Variants in ZSCAN29 observed in about 807,000 individuals in gnomAD.
ZSCAN29 encodes zinc finger and SCAN domain containing 29.
In ZSCAN29, 55 loss-of-function variants were observed where a neutral mutation model predicts 71.9. That is an observed-to-expected ratio of 0.76 (90% CI 0.62 to 0.96). ZSCAN29 has a LOEUF of 0.96. Among genes scored for constraint, ZSCAN29 ranks in the 40% least tolerant of loss-of-function variants. ZSCAN29 has a pLI of 0.00. For missense variants in ZSCAN29, 1,042 were observed against 1,042.2 expected, an observed-to-expected ratio of 1.00 and a Z score of 0.00; for synonymous variants, 351 against 371.6, an observed-to-expected ratio of 0.94 and a Z score of 0.64.
chr15:43,360,863 A>G lies in ZSCAN29; in HGVS notation c.*210T>C. ...TTATCCATCAATTCAGATGCAGGCA[A>G]AGAGAGGGACTGAAATCTTCCTTTC... On this transcript the variant is annotated 3_prime_UTR_variant, in exon 6 of 6. Transcript: ENST00000684362. The G allele has an allele frequency of 1.6e-6, 1 of 609,990 alleles. No individual in the cohort carries two copies. 37.8% of individuals were successfully genotyped at this position (609,990 alleles called of 1,614,324 possible). A position where few individuals can be genotyped will look rare whatever the true frequency, so the allele number is the denominator to read the frequency against.
intron 4 of ZSCAN29, among the ~76,000 whole-genome samples, chr15:43,364,790 A>C (rs574055177): frequency 2.4e-4 from 35 of 145,434 alleles, no homozygotes; most frequent in Admixed American, 2.1e-3. Flanking sequence ...TGGGAGGCTG[A>C]GGCATGAGAA....
intron 5 of ZSCAN29, 46 bp downstream of exon 5, chr15:43,363,869 T>C: frequency 2.0e-6 from 3 of 1,516,008 alleles, no homozygotes; most frequent in Non-Finnish European, 2.7e-6. Flanking sequence ...CTAAGTCCCA[T>C]TGTCTTCCCT....
intron 5 of ZSCAN29, 118 bp downstream of exon 5, chr15:43,363,797 T>C: frequency 1.0e-6 from 1 of 964,082 alleles, no homozygotes; most frequent in Non-Finnish European, 1.5e-6. Context: ...ATATGGGTGG[T>C]CACAAGAAGA....
At chr15:43,363,410 T>G (rs1392220576) in intron 5 of ZSCAN29, among the ~76,000 whole-genome samples, 1 of 152,204 alleles carries the variant, frequency 6.6e-6, no homozygotes, top group African/African-American at 2.4e-5. Context: ...TTTTTTCTTA[T>G]CTAGCAGCTA....
chr15:43,369,850 T>C lies in ZSCAN29; in HGVS notation c.64A>G (p.Arg22Gly), dbSNP rs1415484435. 5 of 1,613,630 alleles carry C rather than the reference T, an allele frequency of 3.1e-6. No individual in the cohort carries two copies. ...GCCACCTCCTGGTAATGGAATCTCCTGAAACGCTGTCGGAAGGTCTCAGAG... is the reference window on the plus strand; with the variant it reads ...GCCACCTCCTGGTAATGGAATCTCCCGAAACGCTGTCGGAAGGTCTCAGAG... ...TNSETFRQRFRRFHYQEVAGP... is the reference protein window; with the variant it reads ...TNSETFRQRFGRFHYQEVAGP... Residue 22 changes from arginine to glycine, a missense_variant, in exon 2 of 6, where the codon AGG (arginine) becomes GGG (glycine). Transcript: ENST00000684362.
intron 3 of ZSCAN29, among the ~76,000 whole-genome samples, chr15:43,368,585 A>G (rs2044062597): frequency 6.6e-6 from 1 of 150,814 alleles, no homozygotes; most frequent in South Asian, 2.1e-4. Context: ...GGAAAGCTTA[A>G]GGTAACAAAT....
chr15:43,364,892 C>CAAAAAAAA (rs57976198), intron 4 of ZSCAN29, among the ~76,000 whole-genome samples: 1 of 38,938 alleles, frequency 2.6e-5, no homozygotes, highest in African/African-American at 8.7e-5. Flanking sequence ...GACTCTGTCT[C>CAAAAAAAA]AAAAAAAAAA....
At chr15:43,370,150 A>G (rs1243939197) in intron 1 of ZSCAN29, 125 bp from the exon 2 acceptor site, 1 of 496,220 alleles carries the variant, frequency 2.0e-6, no homozygotes, top group South Asian at 3.2e-5. Context: ...TTCAGTAAAT[A>G]GACTTTGCAA....
rs770959404 is a variant in ZSCAN29, at chr15:43,366,195, C to A, written c.1137G>T (p.Gln379His). Residue 379 changes from glutamine (Q) to histidine (H), a missense_variant, in exon 4 of 6, where the codon CAG becomes CAT. Physicochemically the swap from Gln to His is conservative, Grantham distance 24. Transcript: ENST00000684362. ...GATCCATGTCATCACTGTCAGACTC[C>A]TGAGCCACAGCCTCTTCTGCTCCCT... ...HEEGAEEAVA[Q>H]ESDSDDMDLE... 2 of 1,614,004 alleles carry A rather than the reference C, an allele frequency of 1.2e-6. No homozygotes were observed. Among genetic ancestry groups the A allele is most frequent in the Non-Finnish European group, 1.7e-6 (2 of 1,180,028 alleles).
In ZSCAN29 at chr15:43,369,130, A is replaced by G. The variant is rs2044069334; in HGVS notation, c.319-3T>C. 1 of 1,549,260 alleles carries G rather than the reference A, an allele frequency of 6.5e-7. No individual in the cohort carries two copies. The highest frequency in any genetic ancestry group is 1.9e-5 in the Admixed American group (1 of 51,884). ...TGCCCCTTCACAGAGACTGTGACCTAGAAACAACCCCCGTTAATTGTCACT... is the reference window on the plus strand; with the variant it reads ...TGCCCCTTCACAGAGACTGTGACCTGGAAACAACCCCCGTTAATTGTCACT... On this transcript the variant is annotated splice_region_variant and splice_polypyrimidine_tract_variant and intron_variant, in intron 2 of 5. Coordinates refer to ENST00000684362, the MANE Select transcript of ZSCAN29 (RefSeq NM_001372080.1).
rs2043971876 is a variant in ZSCAN29, at chr15:43,360,945, A to G, written c.*128T>C. The G allele has an allele frequency of 7.8e-7, 1 of 1,275,394 alleles. No homozygotes were observed. The highest frequency in any genetic ancestry group is 1.1e-6 in the Non-Finnish European group (1 of 929,770). The allele number at this position is 1,275,394 out of a possible 1,614,324, so 79.0% of individuals were successfully genotyped here. ...AGATCAGGAAAAACAAGGAACAAAC[A>G]GTGGCATAAATCCTAAAGTGAATTT... On this transcript the variant is annotated 3_prime_UTR_variant, in exon 6 of 6. Coordinates refer to ENST00000684362, the MANE Select transcript of ZSCAN29 (RefSeq NM_001372080.1).
chr15:43,364,104 G>T lies in ZSCAN29; in HGVS notation c.1501C>A (p.Pro501Thr), dbSNP rs201009870. The change falls in exon 5 of 6, where the codon CCA becomes ACA. Residue 501 changes from proline (P) to threonine (T), a missense_variant. Pro to Thr is a conservative substitution (Grantham distance 38). Transcript: ENST00000684362. Reference sequence around the variant, plus strand: ...GTCTCTTCCTGGCCATCATTGGGTGGGGCAGCAACCCGGACACTCACCAAA... The same window carrying T: ...GTCTCTTCCTGGCCATCATTGGGTGTGGCAGCAACCCGGACACTCACCAAA... ...DALVSVRVAA[P>T]PNDGQEETAS... The T allele has an allele frequency of 6.2e-7, 1 of 1,614,114 alleles. No individual in the cohort carries two copies. Among genetic ancestry groups the T allele is most frequent in the African/African-American group, 1.3e-5 (1 of 75,002 alleles).
chr15:43,364,694 T>C (rs1178997265), intron 4 of ZSCAN29, among the ~76,000 whole-genome samples: 2 of 152,048 alleles, frequency 1.3e-5, no homozygotes, highest in Non-Finnish European at 2.9e-5. Context: ...GAGACCAGCC[T>C]GGACAACATG....
At chr15:43,365,974 A>G in intron 4 of ZSCAN29, 136 bp downstream of exon 4, 1 of 775,606 alleles carries the variant, frequency 1.3e-6, no homozygotes, top group Non-Finnish European at 2.0e-6. Context: ...AATGAAATAC[A>G]CACAAAGAAT....
intron 5 of ZSCAN29, among the ~76,000 whole-genome samples, chr15:43,363,098 C>T (rs111321344): frequency 6.4e-4 from 97 of 152,236 alleles, no homozygotes; most frequent in African/African-American, 2.2e-3. Context: ...CTGCCTCAGC[C>T]ACCCAAGTAG....
intron 3 of ZSCAN29, 24 bp from the exon 4 acceptor site, chr15:43,366,832 A>G (rs2044045211): frequency 1.3e-6 from 2 of 1,584,780 alleles, no homozygotes; most frequent in Middle Eastern, 1.7e-4. Flanking sequence ...AACAAACAAA[A>G]GTTGTCATAG....
chr15:43,369,050 A>G lies in ZSCAN29; in HGVS notation c.396T>C (p.Ser132=). The part of the protein sequence containing the change: ...TPPKSSQELL[S]VRQESVEPQP... ...GGGGTTCCACTGACTCCTGCCGAAC[A>G]CTTAATAACTCTTGTGATGATTTCG... Residue 132 remains serine (S), a synonymous_variant, in exon 3 of 6, where the codon AGT becomes AGC. Transcript: ENST00000684362. 3.7e-6 allele frequency: 6 copies of G among 1,611,506 alleles called. No individual in the cohort carries two copies. Among genetic ancestry groups the G allele is most frequent in the Non-Finnish European group, 3.4e-6 (4 of 1,178,552 alleles).
Position 43,369,635 on chromosome 15 carries a change from C to G in ZSCAN29, c.279G>C (p.Val93=), listed in dbSNP as rs745465587. 6.2e-7 allele frequency: 1 copy of G among 1,614,050 alleles called. No individual in the cohort carries two copies. The highest frequency in any genetic ancestry group is 1.1e-5 in the South Asian group (1 of 91,072). Residue 93 remains valine (V), a synonymous_variant, in exon 2 of 6, where the codon GTG becomes GTC. Transcript: ENST00000684362. ...TTCCAGGCTCTCTTTCTAAATCTTC[C>G]ACGAGAGTCACTGCCTCCTCTCCAT... is the stretch of plus-strand genomic sequence containing the variant. ...PENGEEAVTL[V]EDLEREPGRP... is the part of the protein sequence containing the mutation.
At chr15:43,367,417 T>C (rs557877407) in intron 3 of ZSCAN29, among the ~76,000 whole-genome samples, 1 of 152,306 alleles carries the variant, frequency 6.6e-6, no homozygotes, top group South Asian at 2.1e-4. Flanking sequence ...GTCAGACTCT[T>C]CCCTTCAGAA....
Sources: allele counts gnomAD v4.1 joint callset (sites outside exome capture counted in the v4.1 genomes callset), GRCh38; gene constraint gnomAD v4.1.1; transcripts MANE v1.5; gene names NCBI Gene and HGNC (gene_info 2026-07-23, HGNC 2026-07-21).